Variants in KLRG1 observed in about 807,000 individuals in gnomAD.
KLRG1 encodes killer cell lectin-like receptor subfamily G member 1.
In KLRG1, 16 loss-of-function variants were observed where a neutral mutation model predicts 21.8. The ratio of observed to expected loss-of-function variants is 0.73; its 90% confidence interval spans 0.50 to 1.11. The LOEUF is 1.11. Ranked by LOEUF, KLRG1 falls within the 50% of genes most tolerant of loss-of-function variation. The pLI is 0.00. For missense variants in KLRG1, 173 were observed against 218.3 expected, an observed-to-expected ratio of 0.79 and a Z score of 1.31; for synonymous variants, 69 against 75.9, an observed-to-expected ratio of 0.91 and a Z score of 0.47.
chr12:8,963,445 A>T (rs1946412971), intron 1 of KLRG1, among the ~76,000 whole-genome samples: 1 of 152,192 alleles, frequency 6.6e-6, no homozygotes, highest in South Asian at 2.1e-4. Context: ...CCAGCATTTT[A>T]TTGAGGATTT....
At chr12:9,205,706 T>G in the KLRG1 span, among the ~76,000 whole-genome samples, 1 of 152,228 alleles carries the variant, frequency 6.6e-6, no homozygotes, top group South Asian at 2.1e-4. Context: ...TTTCTTATAT[T>G]ATTTTACTAC....
the KLRG1 span, among the ~76,000 whole-genome samples, chr12:9,056,531 C>A: frequency 6.6e-6 from 1 of 151,776 alleles, no homozygotes; most frequent in Non-Finnish European, 1.5e-5. Context: ...ATAATACCCA[C>A]GATTTATATT....
chr12:9,142,843 G>A, the KLRG1 span, among the ~76,000 whole-genome samples: 52 of 152,284 alleles, frequency 3.4e-4, 1 homozygote, highest in East Asian at 8.9e-3. Context: ...GTTCCACAAC[G>A]AAAACAAAGG....
the KLRG1 span, among the ~76,000 whole-genome samples, chr12:9,116,978 A>G: frequency 9.8e-5 from 15 of 152,340 alleles, no homozygotes; most frequent in East Asian, 2.1e-3. Context: ...CTGGGAGCAC[A>G]TAAGAGAGCA....
the KLRG1 span, chr12:9,153,355 G>T: frequency 1.9e-6 from 3 of 1,603,964 alleles, no homozygotes; most frequent in Non-Finnish European, 2.6e-6. Context: ...TGGAAGAGAC[G>T]AGTGGACAAC....
chr12:8,954,796 T>C (rs1946261472), intron 1 of KLRG1, among the ~76,000 whole-genome samples: 1 of 152,206 alleles, frequency 6.6e-6, no homozygotes, highest in Non-Finnish European at 1.5e-5. Context: ...AGGAAGTGAT[T>C]TTTTAACTGA....
At chr12:9,178,448 T>A in the KLRG1 span, among the ~76,000 whole-genome samples, 1 of 152,190 alleles carries the variant, frequency 6.6e-6, no homozygotes, top group African/African-American at 2.4e-5. Context: ...AGAGTATTGA[T>A]GCTGGCAATT....
the KLRG1 span, chr12:9,027,666 G>T: frequency 1.0e-6 from 1 of 955,600 alleles, no homozygotes; most frequent in Middle Eastern, 3.1e-4. Context: ...TCCCTTCATG[G>T]GTCCAAAATT....
At chr12:9,078,664 G>A in the KLRG1 span, among the ~76,000 whole-genome samples, 1 of 152,164 alleles carries the variant, frequency 6.6e-6, no homozygotes, top group Non-Finnish European at 1.5e-5. Flanking sequence ...TAATTTGAAT[G>A]TACTTATTTT....
chr12:9,125,042 G>T, the KLRG1 span, among the ~76,000 whole-genome samples: 5 of 152,350 alleles, frequency 3.3e-5, no homozygotes, highest in African/African-American at 1.2e-4. Context: ...TGCCCTCTCT[G>T]CTAATAGCAG....
chr12:9,065,169 C>G, the KLRG1 span: 1 of 127,278 alleles, frequency 7.9e-6, no homozygotes, highest in Admixed American at 7.5e-5. Flanking sequence ...CCCCCCCCCG[C>G]CCCCGCCCAT....
At chr12:8,979,015 T>G (rs1946710867) in intron 1 of KLRG1, among the ~76,000 whole-genome samples, 1 of 150,564 alleles carries the variant, frequency 6.6e-6, no homozygotes, top group Non-Finnish European at 1.5e-5. Context: ...TCACCTGGCC[T>G]GTCTTTTTTT....
chr12:9,090,471 C>T, the KLRG1 span: 1 of 1,613,918 alleles, frequency 6.2e-7, no homozygotes, highest in Non-Finnish European at 8.5e-7. Flanking sequence ...AGGCTTCCAG[C>T]TGCACACTGA....
At chr12:9,015,695 C>T (rs773447152), downstream of KLRG1, among the ~76,000 whole-genome samples, 5 of 152,166 alleles carry the variant, frequency 3.3e-5, no homozygotes, top group Non-Finnish European at 5.9e-5. Flanking sequence ...TATCTAATGG[C>T]TGCAGAATAT....
chr12:8,964,333 T>C (rs1261109905), intron 1 of KLRG1, among the ~76,000 whole-genome samples: 2 of 152,194 alleles, frequency 1.3e-5, no homozygotes, highest in Non-Finnish European at 2.9e-5. Context: ...AGCTTCTATG[T>C]AGTTGAGTGG....
the KLRG1 span, among the ~76,000 whole-genome samples, chr12:9,133,682 A>G: frequency 6.6e-6 from 1 of 152,178 alleles, no homozygotes; most frequent in African/African-American, 2.4e-5. Context: ...AGGCAGAGGG[A>G]AGCATGTGCT....
chr12:9,151,550 T>A, the KLRG1 span: 3 of 1,437,562 alleles, frequency 2.1e-6, no homozygotes, highest in Non-Finnish European at 2.9e-6. Context: ...GTAAAGAGAC[T>A]CACTTAGAAA....
At chr12:9,202,599 G>A in the KLRG1 span, 1 of 1,614,114 alleles carries the variant, frequency 6.2e-7, no homozygotes, top group Admixed American at 1.7e-5. Flanking sequence ...TACCAGAACT[G>A]TGTTCCTCTT....
the KLRG1 span, chr12:9,089,167 A>AAATT: frequency 1.3e-6 from 2 of 1,493,496 alleles, no homozygotes; most frequent in Non-Finnish European, 1.8e-6. Context: ...GTTAGACTTT[A>AAATT]ATGTTTTTTA....
Sources: allele counts gnomAD v4.1 joint callset (sites outside exome capture counted in the v4.1 genomes callset), GRCh38; gene constraint gnomAD v4.1.1; transcripts MANE v1.5; gene names NCBI Gene and HGNC (gene_info 2026-07-23, HGNC 2026-07-21).